WARS2: variants seen among roughly 807,000 people sequenced by gnomAD.
The protein encoded by WARS2 is tryptophanyl tRNA synthetase 2, mitochondrial.
In WARS2, 28 loss-of-function variants were observed where a neutral mutation model predicts 36.5. The ratio of observed to expected loss-of-function variants is 0.77; its 90% confidence interval spans 0.57 to 1.05. The LOEUF is 1.05. Among genes scored for constraint, WARS2 ranks in the 50% least tolerant of loss-of-function variants. The pLI is 0.00. For synonymous variants in WARS2, 174 were observed against 178.4 expected, an observed-to-expected ratio of 0.98 and a Z score of 0.20; for missense variants, 435 against 456.8, an observed-to-expected ratio of 0.95 and a Z score of 0.44.
chr1:119,112,379 T>C (rs1363261211), intron 1 of WARS2, among the ~76,000 whole-genome samples: 4 of 152,268 alleles, frequency 2.6e-5, no homozygotes, highest in East Asian at 1.9e-4. Flanking sequence ...TGTTTTTTAA[T>C]TGGGAAATAT....
chr1:119,059,397 T>C (rs1650178427), intron 2 of WARS2, among the ~76,000 whole-genome samples: 2 of 151,232 alleles, frequency 1.3e-5, no homozygotes, highest in Admixed American at 6.6e-5. Context: ...ATGTCCTGAA[T>C]GGTAATGCCT....
chr1:119,118,116 T>A (rs1265343684), intron 1 of WARS2, among the ~76,000 whole-genome samples: 1 of 152,012 alleles, frequency 6.6e-6, no homozygotes, highest in African/African-American at 2.4e-5. Flanking sequence ...TTCAGAAGGT[T>A]GATTATTAAG....
chr1:119,116,308 T>C (rs1654967501), intron 1 of WARS2, among the ~76,000 whole-genome samples: 1 of 152,174 alleles, frequency 6.6e-6, no homozygotes, highest in African/African-American at 2.4e-5. Context: ...TTCCAGGTTC[T>C]TCCGTAAAAC....
chr1:119,096,013 G>A (rs1359449523), intron 1 of WARS2, among the ~76,000 whole-genome samples: 1 of 152,110 alleles, frequency 6.6e-6, no homozygotes, highest in Non-Finnish European at 1.5e-5. Flanking sequence ...GTTCTAATTT[G>A]CACTTGCTCT....
chr1:119,122,829 A>C (rs1655412897), intron 1 of WARS2, among the ~76,000 whole-genome samples: 1 of 152,196 alleles, frequency 6.6e-6, no homozygotes, highest in African/African-American at 2.4e-5. Flanking sequence ...GTGGGAACTA[A>C]GCAACGAAGA....
At position 119,095,491 on chromosome 1, in the gene WARS2, G is replaced by A. The variant is rs1048792322; in HGVS notation, c.91-18884C>T. Among the ~76,000 whole-genome samples the A allele has an allele frequency of 9.2e-5, 14 of 151,870 alleles. No homozygotes were observed. In the South Asian group the frequency reaches 1.5e-3, roughly 16 times the overall value. The stretch of plus-strand genomic sequence containing the variant: ...CATGCTGGAGTGCAGTGGCGATCTC[G>A]GCTCACTGCAACCTCCACACTGCCT... On this transcript the variant is annotated intron_variant, in intron 1 of 5. Transcript: ENST00000235521.
chr1:119,072,509 T>C (rs999581247), intron 2 of WARS2, among the ~76,000 whole-genome samples: 2 of 152,008 alleles, frequency 1.3e-5, no homozygotes, highest in Non-Finnish European at 2.9e-5. Context: ...AGTAGAAGCA[T>C]AAAAAATCAA....
chr1:119,106,118 A>C (rs1654221137), intron 1 of WARS2, among the ~76,000 whole-genome samples: 1 of 152,224 alleles, frequency 6.6e-6, no homozygotes, highest in African/African-American at 2.4e-5. Flanking sequence ...TTAGAAGGTC[A>C]GAAGTAGAGA....
chr1:119,116,546 CA>C (rs1298870113), intron 1 of WARS2, among the ~76,000 whole-genome samples: 1 of 152,072 alleles, frequency 6.6e-6, no homozygotes, highest in East Asian at 1.9e-4. Context: ...ACAAGATAGC[CA>C]AAAAACTGTG....
intron 1 of WARS2, among the ~76,000 whole-genome samples, chr1:119,124,751 A>G (rs587626105): frequency 2.0e-5 from 3 of 152,260 alleles, no homozygotes; most frequent in African/African-American, 7.2e-5. Context: ...TCTCCCACAC[A>G]AAACCTTCCC....
chr1:119,046,298 T>C (rs1307185026), intron 2 of WARS2, among the ~76,000 whole-genome samples: 1 of 150,218 alleles, frequency 6.7e-6, no homozygotes, highest in Non-Finnish European at 1.5e-5. Flanking sequence ...TTTTTTTTTT[T>C]TTTTTTTTTT....
intron 4 of WARS2, among the ~76,000 whole-genome samples, chr1:119,037,932 G>C (rs1000196860): frequency 5.9e-5 from 9 of 152,186 alleles, no homozygotes; most frequent in Non-Finnish European, 1.2e-4. Context: ...GATGGCCCCA[G>C]ATATTCTTCT....
rs1647586121 is a variant in WARS2 at position 119,033,186 on chromosome 1, C to T, written c.808G>A (p.Ala270Thr). 2.5e-6 allele frequency: 4 copies of T among 1,614,202 alleles called. No individual in the cohort carries two copies. Among genetic ancestry groups the T allele is most frequent in the South Asian group, 1.1e-5 (1 of 91,090 alleles). ...ACCGCCACTATGTTGGACACGCCAG[C>T]GCGGCCAGCCGGGTCATAGGTGACC... ...SEVTYDPAGR[A>T]GVSNIVAVHA... is the part of the protein sequence containing the mutation. Residue 270 changes from alanine (A) to threonine (T), a missense_variant, in exon 6 of 6, where the codon GCT becomes ACT. Transcript: ENST00000235521.
intron 2 of WARS2, among the ~76,000 whole-genome samples, chr1:119,048,517 AAC>A (rs763368771): frequency 3.9e-5 from 6 of 152,176 alleles, no homozygotes; most frequent in Non-Finnish European, 8.8e-5. Context: ...GTACGCCCTT[AAC>A]CCAGTTTCCC....
intron 1 of WARS2, among the ~76,000 whole-genome samples, chr1:119,100,841 T>C (rs1220203975): frequency 6.6e-6 from 1 of 152,174 alleles, no homozygotes; most frequent in African/African-American, 2.4e-5. Flanking sequence ...TTTCACCATG[T>C]TGCCCAGGTT....
At chr1:119,113,565 T>TA (rs1012802125) in intron 1 of WARS2, among the ~76,000 whole-genome samples, 2 of 151,890 alleles carry the variant, frequency 1.3e-5, no homozygotes, top group African/African-American at 4.8e-5. Flanking sequence ...AAATGTCCTT[T>TA]AAAAAAAATC....
intron 2 of WARS2, among the ~76,000 whole-genome samples, chr1:119,048,626 G>A (rs1389293149): frequency 6.6e-6 from 1 of 152,082 alleles, no homozygotes; most frequent in Non-Finnish European, 1.5e-5. Context: ...TCAAAGAGGG[G>A]CAAGGCATGG....
intron 2 of WARS2, among the ~76,000 whole-genome samples, chr1:119,055,696 A>C (rs1649725604): frequency 6.7e-6 from 1 of 149,162 alleles, no homozygotes; most frequent in Admixed American, 6.6e-5. Flanking sequence ...AAAGAAAGAA[A>C]AGAAAGAAAG....
At chr1:119,086,064 T>A (rs148015490) in intron 1 of WARS2, 2 of 1,193,998 alleles carry the variant, frequency 1.7e-6, no homozygotes, top group Admixed American at 4.7e-5. Context: ...CTTGCTATCT[T>A]GCCCAGATTG....
Sources: gnomAD v4.1 joint callset for allele counts (sites outside exome capture counted in the v4.1 genomes callset) on GRCh38, gnomAD v4.1.1 for gene constraint, MANE v1.5 for transcripts, NCBI Gene and HGNC (gene_info 2026-07-23, HGNC 2026-07-21) for gene names.